MGA: variants seen among roughly 807,000 people sequenced by gnomAD.
The protein encoded by MGA is MAX gene-associated protein.
Under a neutral mutation model 261.1 loss-of-function variants are expected in MGA, and 40 were observed. The ratio of observed to expected loss-of-function variants is 0.15; its 90% CI spans 0.12 to 0.20. The LOEUF is 0.20. Among genes scored for constraint, MGA ranks in the 10% least tolerant of loss-of-function variants. The pLI is 1.00. For synonymous variants in MGA, 1,302 were observed against 1,290.6 expected (o/e 1.01, Z -0.19); for missense variants, 3,397 against 3,630.5 (o/e 0.94, Z 1.65).
chr15:41,710,162 A>T (rs565107552), intron 7 of MGA, among the ~76,000 whole-genome samples: 1 of 152,054 alleles, frequency 6.6e-6, no homozygotes, highest in Non-Finnish European at 1.5e-5. Context: ...TGGTCTCTTT[A>T]ATCAGGTCAA....
At chr15:41,650,989 T>C (rs1268662413) in intron 1 of MGA, among the ~76,000 whole-genome samples, 1 of 152,156 alleles carries the variant, frequency 6.6e-6, no homozygotes, top group Non-Finnish European at 1.5e-5. Context: ...TGGCTCACAG[T>C]TCTGGAGGCT....
chr15:41,723,028 G>A (rs1355941970), intron 9 of MGA, among the ~76,000 whole-genome samples: 3 of 152,190 alleles, frequency 2.0e-5, no homozygotes, highest in Non-Finnish European at 2.9e-5. Flanking sequence ...TAGGGGACTT[G>A]GGTAATATAT....
At chr15:41,666,823 T>C (rs2150916223) in intron 1 of MGA, among the ~76,000 whole-genome samples, 1 of 152,352 alleles carries the variant, frequency 6.6e-6, no homozygotes, top group South Asian at 2.1e-4. Context: ...GGGGATAATC[T>C]TGTATAGATA....
At chr15:41,725,067 T>A (rs1316439645) in intron 9 of MGA, among the ~76,000 whole-genome samples, 1 of 152,232 alleles carries the variant, frequency 6.6e-6, no homozygotes, top group Non-Finnish European at 1.5e-5. Context: ...AGTTTTTGGG[T>A]CTTTGGCTTT....
intron 1 of MGA, among the ~76,000 whole-genome samples, chr15:41,661,022 G>C (rs747948198): frequency 2.0e-5 from 3 of 152,258 alleles, no homozygotes; most frequent in Admixed American, 6.5e-5. Flanking sequence ...ACTTGGCGCA[G>C]CGTTTTGACA....
At chr15:41,733,698 T>G (rs1008477896) in intron 11 of MGA, among the ~76,000 whole-genome samples, 1 of 152,242 alleles carries the variant, frequency 6.6e-6, no homozygotes, top group Non-Finnish European at 1.5e-5. Context: ...GATATGTGCA[T>G]GTATGTATGT....
At chr15:41,709,002 A>T (rs1209059578) in intron 7 of MGA, among the ~76,000 whole-genome samples, 1 of 152,210 alleles carries the variant, frequency 6.6e-6, no homozygotes, top group African/African-American at 2.4e-5. Context: ...CACAGTATTT[A>T]TAACAATGTA....
At chr15:41,672,212 A>C (rs1031818601) in intron 2 of MGA, among the ~76,000 whole-genome samples, 1 of 152,294 alleles carries the variant, frequency 6.6e-6, no homozygotes, top group South Asian at 2.1e-4. Context: ...TGGGTGCAGT[A>C]GTGCATTCAC....
intron 2 of MGA, 124 bp downstream of exon 2, chr15:41,670,082 T>C (rs1407156154): frequency 1.1e-5 from 8 of 752,810 alleles, no homozygotes; most frequent in Admixed American, 8.8e-5. Flanking sequence ...CTATAAAATA[T>C]ACTACAACTG....
intron 19 of MGA, among the ~76,000 whole-genome samples, chr15:41,758,202 A>G (rs1388797743): frequency 6.6e-6 from 1 of 152,198 alleles, no homozygotes; most frequent in African/African-American, 2.4e-5. Context: ...ATGCTCTGCA[A>G]AATGGCTAGC....
At chr15:41,727,943 G>C (rs951767136) in intron 10 of MGA, among the ~76,000 whole-genome samples, 1 of 152,182 alleles carries the variant, frequency 6.6e-6, no homozygotes, top group African/African-American at 2.4e-5. Context: ...TAGTCCATTA[G>C]ATTGAAGAAA....
At chr15:41,718,641 G>T in intron 9 of MGA, 1 of 286,262 alleles carries the variant, frequency 3.5e-6, no homozygotes, top group South Asian at 1.3e-4. Flanking sequence ...AGTTTTGGTT[G>T]AGATGGCAAT....
intron 9 of MGA, among the ~76,000 whole-genome samples, chr15:41,723,619 G>A (rs1381475408): frequency 6.6e-6 from 1 of 152,158 alleles, no homozygotes; most frequent in Non-Finnish European, 1.5e-5. Context: ...GTCTTGCTAT[G>A]TTGCCCAGGC....
At chr15:41,630,599 A>C (rs561030155) in intron 1 of MGA, among the ~76,000 whole-genome samples, 14 of 152,312 alleles carry the variant, frequency 9.2e-5, no homozygotes, top group African/African-American at 3.4e-4. Context: ...TAGCCAGTAC[A>C]AAGTTTAGTG....
rs529859278 is a variant in MGA at position 41,670,426 on chromosome 15, A to AG, written c.1064+473dup. On this transcript the variant is annotated intron_variant, in intron 2 of 23. Coordinates refer to ENST00000219905, the MANE Select transcript of MGA (RefSeq NM_001164273.2). ...AGTAGAAAGTAGAATGGTGGATGCC[A>AG]GGGGGTAGAGAGAGACTGAAAGATG... 3.9e-3 allele frequency among the ~76,000 whole-genome samples: 591 copies of AG among 152,328 alleles called. 3 individuals carry two copies. The highest frequency in any genetic ancestry group is 0.013 in the African/African-American group (556 of 41,584).
chr15:41,622,385 A>G (rs768472420), intron 1 of MGA, among the ~76,000 whole-genome samples: 3 of 152,020 alleles, frequency 2.0e-5, no homozygotes, highest in Non-Finnish European at 4.4e-5. Flanking sequence ...TTATAATGAG[A>G]CAACCGCCAC....
intron 2 of MGA, among the ~76,000 whole-genome samples, chr15:41,685,270 C>T (rs543958499): frequency 1.1e-4 from 17 of 152,242 alleles, no homozygotes; most frequent in Admixed American, 2.6e-4. Context: ...TGACTATATG[C>T]GCACAGGTAG....
chr15:41,747,965 G>A (rs1400349492), intron 15 of MGA, among the ~76,000 whole-genome samples: 5 of 152,274 alleles, frequency 3.3e-5, no homozygotes, highest in South Asian at 2.1e-4. Flanking sequence ...GTCAGATTCT[G>A]TGCCTTAATG....
upstream of MGA, among the ~76,000 whole-genome samples, chr15:41,656,048 C>T (rs141517780): frequency 2.0e-3 from 302 of 152,114 alleles, 2 homozygotes; most frequent in African/African-American, 7.0e-3. Context: ...TGGTCTAATG[C>T]GGAAGACATA....
Sources: allele counts gnomAD v4.1 joint callset (sites outside exome capture counted in the v4.1 genomes callset), GRCh38; gene constraint gnomAD v4.1.1; transcripts MANE v1.5; gene names NCBI Gene and HGNC (gene_info 2026-07-23, HGNC 2026-07-21).